CLEC17A: variants seen among roughly 807,000 people sequenced by gnomAD.
The protein encoded by CLEC17A is C-type lectin domain family 17, member A.
CLEC17A carries 37 observed loss-of-function variants against 61.3 expected under a neutral mutation model. That is an observed-to-expected ratio of 0.60 (90% CI 0.46 to 0.79). The LOEUF is 0.79. Ranked by LOEUF, CLEC17A falls within the 30% of genes least tolerant of loss-of-function variation. CLEC17A has a pLI of 0.00. For synonymous variants in CLEC17A, 168 were observed against 164.9 expected, an observed-to-expected ratio of 1.02 and a Z score of -0.14; for missense variants, 418 against 464.7, an observed-to-expected ratio of 0.90 and a Z score of 0.92.
At chr19:14,601,197 T>C (rs1209938031) in intron 12 of CLEC17A, among the ~76,000 whole-genome samples, 2 of 152,056 alleles carry the variant, frequency 1.3e-5, no homozygotes, top group African/African-American at 2.4e-5. Flanking sequence ...GCCACCACGC[T>C]GGGCTAGGAG....
intron 2 of CLEC17A, among the ~76,000 whole-genome samples, chr19:14,586,270 A>T (rs2074276552): frequency 6.6e-6 from 1 of 152,030 alleles, no homozygotes; most frequent in Non-Finnish European, 1.5e-5. Flanking sequence ...GATTACAGGC[A>T]TGTGCCACTG....
At chr19:14,599,368 G>A (rs1343153566) in intron 10 of CLEC17A, among the ~76,000 whole-genome samples, 1 of 152,126 alleles carries the variant, frequency 6.6e-6, no homozygotes, top group Non-Finnish European at 1.5e-5. Flanking sequence ...GATTACAGGT[G>A]TGAGCCACCA....
intron 3 of CLEC17A, among the ~76,000 whole-genome samples, chr19:14,590,352 TA>T (rs1195667206): frequency 6.6e-6 from 1 of 152,002 alleles, no homozygotes; most frequent in East Asian, 1.9e-4. Flanking sequence ...TTAGTCTATA[TA>T]AAAACATATT....
At position 14,587,671 on chromosome 19, in the gene CLEC17A, A is replaced by G; in HGVS notation, c.179A>G (p.Lys60Arg). ...TATGAGAACTCAACACCTCCCTACA[A>G]GGACCTTCCTCCCAAGCCAGGTAAG... is the stretch of plus-strand genomic sequence containing the variant. ...DDYENSTPPY[K>R]DLPPKPGTME... The change falls in exon 3 of 14, where the codon AAG (lysine) becomes AGG (arginine). Residue 60 changes from lysine (K) to arginine (R), a missense_variant. Transcript: ENST00000417570. 2.5e-6 allele frequency: 4 copies of G among 1,605,004 alleles called. 1 individual carries two copies. Among genetic ancestry groups the G allele is most frequent in the South Asian group, 2.2e-5 (2 of 89,652 alleles).
At chr19:14,591,843 C>G (rs1266357515) in intron 3 of CLEC17A, among the ~76,000 whole-genome samples, 1 of 151,866 alleles carries the variant, frequency 6.6e-6, no homozygotes, top group Non-Finnish European at 1.5e-5. Context: ...CAGATGTGAG[C>G]CACCACTCCC....
rs1336162209 is a variant in CLEC17A, at chr19:14,591,871, G to A, written c.200-410G>A. On this transcript the variant is annotated intron_variant, in intron 3 of 13. Transcript: ENST00000417570. Reference sequence around the variant, plus strand: ...CCACTCCCGGCCCATTGTTTCTTCCGTGTGTGAATCCAAACTCCGGAGAAA... The same window carrying A: ...CCACTCCCGGCCCATTGTTTCTTCCATGTGTGAATCCAAACTCCGGAGAAA... 4.7e-5 allele frequency among the ~76,000 whole-genome samples: 7 copies of A among 150,488 alleles called. No individual in the cohort carries two copies. In the South Asian group the frequency reaches 8.4e-4, roughly 18 times the overall value.
In CLEC17A at chr19:14,607,550, ATTATTTATTTATTTATTTAT is replaced by A. The variant is rs71166764; in HGVS notation, c.1004+470_1004+489del. Among the ~76,000 whole-genome samples, 135 of 141,484 alleles carry A rather than the reference ATTATTTATTTATTTATTTAT, an allele frequency of 9.5e-4. No homozygotes were observed. In the South Asian group the frequency reaches 0.027, roughly 28 times the overall value. The allele number at this position is 141,484 out of a possible 152,430, so 92.8% of individuals were successfully genotyped here. A position where few individuals can be genotyped will look rare whatever the true frequency, so the allele number is the denominator to read the frequency against. On this transcript the variant is annotated intron_variant, in intron 13 of 13. Transcript: ENST00000417570. ...AGCTCTACTTGTTTTATTTTATTTT[ATTATTTATTTATTTATTTAT>A]TTATTTATTTATTTATTTATTCTTT...
chr19:14,596,983 T>G lies in CLEC17A; in HGVS notation c.553T>G (p.Cys185Gly). 6.2e-7 allele frequency: 1 copy of G among 1,609,390 alleles called. No homozygotes were observed. The highest frequency in any genetic ancestry group is 8.5e-7 in the Non-Finnish European group (1 of 1,177,938). Residue 185 changes from cysteine (C) to glycine (G), a missense_variant, in exon 9 of 14, where the codon TGC (cysteine) becomes GGC (glycine). Coordinates refer to ENST00000417570, the MANE Select transcript of CLEC17A (RefSeq NM_001204118.2). ...GGTGGTGACTTCCCTGTTCCTGGGC[T>G]GCCTTGGTCTCACTGTGACCCTGAT... ...LLVVTSLFLG[C>G]LGLTVTLIKY...
intron 13 of CLEC17A, among the ~76,000 whole-genome samples, chr19:14,609,502 A>G (rs189627305): frequency 6.6e-6 from 1 of 152,322 alleles, no homozygotes; most frequent in Non-Finnish European, 1.5e-5. Flanking sequence ...TTGTAAAAGA[A>G]AGAGTCCTTG....
intron 7 of CLEC17A, 48 bp from the exon 8 acceptor site, chr19:14,595,226 A>G: frequency 1.9e-6 from 3 of 1,606,150 alleles, no homozygotes; most frequent in East Asian, 2.2e-5. Flanking sequence ...CTTGGAAGAC[A>G]GAGTCTTTGG....
Position 14,589,237 on chromosome 19 carries a change from C to A in CLEC17A, c.199+1546C>A, listed in dbSNP as rs549040659. Among the ~76,000 whole-genome samples, 4 of 137,304 alleles carry A rather than the reference C, an allele frequency of 2.9e-5. 1 individual carries two copies. The highest frequency in any genetic ancestry group is 2.7e-4 in the Admixed American group (4 of 14,686). 90.1% of individuals were successfully genotyped at this position (137,304 alleles called of 152,430 possible). On this transcript the variant is annotated intron_variant, in intron 3 of 13. Transcript: ENST00000417570. ...AACCCATTTTCCATCCCATCCCACC[C>A]CATCCCAACACCAATTCTAATCCAA...
Position 14,583,207 on chromosome 19 carries a change from A to T in CLEC17A, c.43+4A>T. On this transcript the variant is annotated splice_donor_region_variant and intron_variant, in intron 1 of 13. Coordinates refer to ENST00000417570, the MANE Select transcript of CLEC17A (RefSeq NM_001204118.2). ...ACTGGGTACCCGGACCCACCAGGTA[A>T]GGCCCCGGCCAGGCTGGGGCTGGGG... 5.0e-6 allele frequency: 8 copies of T among 1,613,912 alleles called. No homozygotes were observed. Among genetic ancestry groups the T allele is most frequent in the Non-Finnish European group, 6.8e-6 (8 of 1,179,882 alleles).
chr19:14,587,533 G>C, intron 2 of CLEC17A, 81 bp from the exon 3 acceptor site: 1 of 1,424,892 alleles, frequency 7.0e-7, no homozygotes. Flanking sequence ...CCCATCATGG[G>C]GCAGCTGAGG....
At chr19:14,584,351 A>G (rs1244928543) in intron 2 of CLEC17A, 1 of 152,124 alleles carries the variant, frequency 6.6e-6, no homozygotes, top group Admixed American at 6.6e-5. Flanking sequence ...TCCTGTGAGT[A>G]GCCGCTGCAC....
At chr19:14,602,389 A>G (rs1431729557) in intron 12 of CLEC17A, among the ~76,000 whole-genome samples, 1 of 152,084 alleles carries the variant, frequency 6.6e-6, no homozygotes, top group Non-Finnish European at 1.5e-5. Context: ...TCCTGGGCTC[A>G]AGTGATTATC....
At position 14,595,247 on chromosome 19, in the gene CLEC17A, A is replaced by G. The variant is rs755171713; in HGVS notation, c.404-27A>G. 126 of 1,613,682 alleles carry G rather than the reference A, an allele frequency of 7.8e-5. No homozygotes were observed. The East Asian group carries it at 2.4e-3, about 31-fold the overall frequency. ...AGACAGAGTCTTTGGCATCTTCTGA[A>G]TAAACCTCTCTCCCCCTTTCTCCCA... On this transcript the variant is annotated intron_variant, in intron 7 of 13. Transcript: ENST00000417570.
chr19:14,595,903 AGTGATGGTGTTGGTG>A (rs1216892194), intron 8 of CLEC17A, among the ~76,000 whole-genome samples: 1 of 6,048 alleles, frequency 1.7e-4, no homozygotes. Flanking sequence ...TAGTGGTGGT[AGTGATGGTGTTGGTG>A]GTGATGGTGT....
At position 14,584,644 on chromosome 19, in the gene CLEC17A, A is replaced by G. The variant is rs1031728025; in HGVS notation, c.121+1210A>G. 8.6e-5 allele frequency among the ~76,000 whole-genome samples: 13 copies of G among 151,980 alleles called. 1 individual carries two copies. The highest frequency in any genetic ancestry group is 1.9e-4 in the Non-Finnish European group (13 of 67,994). The stretch of plus-strand genomic sequence containing the variant: ...AAATATGGTGGGACTTGCCTGAGGT[A>G]GGAGGTGACCTGTGCTGTGTTGTTT... On this transcript the variant is annotated intron_variant, in intron 2 of 13. Transcript: ENST00000417570.
intron 2 of CLEC17A, 120 bp downstream of exon 2, chr19:14,583,554 C>G: frequency 1.3e-6 from 2 of 1,533,348 alleles, no homozygotes; most frequent in Non-Finnish European, 1.8e-6. Context: ...ATGCCGGGCA[C>G]TGTGGAACCC....
Sources: gnomAD v4.1 joint callset for allele counts (sites outside exome capture counted in the v4.1 genomes callset) on GRCh38, gnomAD v4.1.1 for gene constraint, MANE v1.5 for transcripts, NCBI Gene and HGNC (gene_info 2026-07-23, HGNC 2026-07-21) for gene names.